ULK2: variants seen among roughly 807,000 people sequenced by gnomAD.
ULK2 encodes the protein serine/threonine-protein kinase ULK2.
In ULK2, 76 loss-of-function variants were observed where a neutral mutation model predicts 127.5. The ratio of observed to expected loss-of-function variants is 0.60; its 90% CI spans 0.50 to 0.72. The LOEUF is 0.72. Among genes scored for constraint, ULK2 ranks in the 30% least tolerant of loss-of-function variants. ULK2 has a pLI of 0.00. For missense variants in ULK2, 1,144 were observed against 1,295.9 expected (o/e 0.88, Z 1.80); for synonymous variants, 452 against 461.9 (o/e 0.98, Z 0.28).
At chr17:19,805,200 T>C (rs1435716911) in intron 14 of ULK2, among the ~76,000 whole-genome samples, 1 of 152,136 alleles carries the variant, frequency 6.6e-6, no homozygotes, top group African/African-American at 2.4e-5. Context: ...GAACGGGAAG[T>C]TCAACAACAA....
chr17:19,829,993 C>T (rs1447157564), intron 10 of ULK2, among the ~76,000 whole-genome samples: 1 of 152,048 alleles, frequency 6.6e-6, no homozygotes, highest in African/African-American at 2.4e-5. Context: ...TTGGAGACTT[C>T]AATATCCCAC....
chr17:19,801,571 G>A (rs959554333), intron 16 of ULK2, among the ~76,000 whole-genome samples: 1 of 152,158 alleles, frequency 6.6e-6, no homozygotes, highest in Non-Finnish European at 1.5e-5. Context: ...GACAGAGTGA[G>A]ACCTTGTCTC....
At chr17:19,849,499 T>A in intron 4 of ULK2, 94 bp from the exon 5 acceptor site, 1 of 1,257,554 alleles carries the variant, frequency 8.0e-7, no homozygotes, top group Non-Finnish European at 1.1e-6. Flanking sequence ...CATTTGTATA[T>A]AATGTCATGT....
intron 19 of ULK2, 100 bp from the exon 20 acceptor site, chr17:19,795,825 C>G: frequency 8.8e-7 from 1 of 1,130,596 alleles, no homozygotes; most frequent in Non-Finnish European, 1.3e-6. Context: ...GAAATAGATA[C>G]CAAACAATTC....
chr17:19,807,882 G>A (rs1015142714), intron 14 of ULK2, among the ~76,000 whole-genome samples: 2 of 152,064 alleles, frequency 1.3e-5, no homozygotes, highest in Non-Finnish European at 2.9e-5. Context: ...TGAAGCAGGT[G>A]GATCACGAGG....
chr17:19,792,717 G>A (rs537174894), intron 20 of ULK2, among the ~76,000 whole-genome samples: 14 of 151,590 alleles, frequency 9.2e-5, no homozygotes, highest in Admixed American at 3.3e-4. Context: ...GCGAGACTCC[G>A]TCTCAAAAAA....
chr17:19,848,607 T>C (rs2041948222), intron 5 of ULK2, among the ~76,000 whole-genome samples: 1 of 152,054 alleles, frequency 6.6e-6, no homozygotes, highest in Non-Finnish European at 1.5e-5. Flanking sequence ...TGAAACCCTG[T>C]CTCTACTAAA....
At chr17:19,825,253 T>C (rs866395130) in intron 11 of ULK2, 71 bp from the exon 12 acceptor site, 1 of 1,307,252 alleles carries the variant, frequency 7.6e-7, no homozygotes, top group Admixed American at 2.0e-5. Flanking sequence ...ACAGAAACAC[T>C]TGCCAAAACT....
At chr17:19,861,433 T>G (rs1299729073) in intron 3 of ULK2, among the ~76,000 whole-genome samples, 1 of 152,036 alleles carries the variant, frequency 6.6e-6, no homozygotes, top group East Asian at 1.9e-4. Flanking sequence ...TAGTCCTAGC[T>G]ACTCTGGAGG....
chr17:19,805,970 A>AT (rs2087507255), intron 14 of ULK2, among the ~76,000 whole-genome samples: 1 of 152,192 alleles, frequency 6.6e-6, no homozygotes, highest in Non-Finnish European at 1.5e-5. Flanking sequence ...CTCTCTATAC[A>AT]TTTTTATTTA....
chr17:19,783,654 T>G, intron 22 of ULK2, 43 bp downstream of exon 22: 1 of 1,378,784 alleles, frequency 7.3e-7, no homozygotes, highest in Non-Finnish European at 9.5e-7. Flanking sequence ...TGTTCTCATA[T>G]CAAATCAACA....
chr17:19,833,028 CAGG>C (rs1194530029), intron 10 of ULK2, among the ~76,000 whole-genome samples: 1 of 149,756 alleles, frequency 6.7e-6, no homozygotes, highest in Non-Finnish European at 1.5e-5. Flanking sequence ...GAGGCTGAGG[CAGG>C]AGAATTGTTT....
At chr17:19,792,727 A>C (rs1427371493) in intron 20 of ULK2, among the ~76,000 whole-genome samples, 1 of 151,918 alleles carries the variant, frequency 6.6e-6, no homozygotes, top group Non-Finnish European at 1.5e-5. Context: ...GTCTCAAAAA[A>C]ACACAAAAAA....
At chr17:19,813,102 G>A (rs1349850933) in intron 13 of ULK2, among the ~76,000 whole-genome samples, 3 of 152,244 alleles carry the variant, frequency 2.0e-5, no homozygotes, top group African/African-American at 7.2e-5. Context: ...TGCTACTCCA[G>A]ATAATATCAG....
intron 16 of ULK2, among the ~76,000 whole-genome samples, chr17:19,800,566 T>C (rs1157983044): frequency 2.0e-5 from 3 of 152,220 alleles, no homozygotes; most frequent in African/African-American, 4.8e-5. Context: ...TTTGAAACCA[T>C]TGCAACAGGT....
At chr17:19,819,617 A>C (rs1597760662) in intron 12 of ULK2, among the ~76,000 whole-genome samples, 1 of 152,132 alleles carries the variant, frequency 6.6e-6, no homozygotes, top group Non-Finnish European at 1.5e-5. Flanking sequence ...TCACTTGCCT[A>C]TACAACACAT....
At chr17:19,824,954 C>T in intron 12 of ULK2, 140 bp downstream of exon 12, 2 of 819,328 alleles carry the variant, frequency 2.4e-6, no homozygotes, top group Non-Finnish European at 1.9e-6. Flanking sequence ...ACCCAACTAT[C>T]ATGTTCTTTC....
At chr17:19,811,886 G>A (rs1324736797) in intron 13 of ULK2, among the ~76,000 whole-genome samples, 1 of 152,152 alleles carries the variant, frequency 6.6e-6, no homozygotes, top group Non-Finnish European at 1.5e-5. Context: ...CATATTTTAA[G>A]TAATATTCAT....
At chr17:19,803,849 T>C (rs1430128493) in intron 15 of ULK2, among the ~76,000 whole-genome samples, 3 of 152,206 alleles carry the variant, frequency 2.0e-5, no homozygotes, top group African/African-American at 7.2e-5. Context: ...GTCCATGACA[T>C]ACATATATGT....
Sources: allele counts gnomAD v4.1 joint callset (sites outside exome capture counted in the v4.1 genomes callset), GRCh38; gene constraint gnomAD v4.1.1; transcripts MANE v1.5; gene names NCBI Gene and HGNC (gene_info 2026-07-23, HGNC 2026-07-21).